The following ADCY3 variants were observed in gnomAD, a reference collection of about 807,000 sequenced individuals.
ADCY3 encodes adenylate cyclase type 3.
A neutral mutation model predicts 119.4 loss-of-function variants in ADCY3; 70 were observed. That is an observed-to-expected ratio of 0.59 (90% CI 0.48 to 0.72). The LOEUF (loss-of-function observed/expected upper bound fraction) is 0.72, where lower values mean the gene tolerates loss of function less well. Ranked by LOEUF, ADCY3 falls within the 30% of genes least tolerant of loss-of-function variation. The probability of loss-of-function intolerance (pLI) is 0.00; values close to 1 mark genes in which losing one functional copy is unlikely to be tolerated. For synonymous variants in ADCY3, 672 were observed against 621.4 expected (o/e 1.08, Z -1.21); for missense variants, 1,238 against 1,541.6 (o/e 0.80, Z 3.30).
intron 17 of ADCY3, among the ~76,000 whole-genome samples, chr2:24,824,166 C>T (rs1163730266): frequency 4.6e-5 from 7 of 152,254 alleles, no homozygotes; most frequent in Non-Finnish European, 7.3e-5. Flanking sequence ...CAGAGCTGTA[C>T]GGCCCACATC....
At chr2:24,844,660 T>C (rs1488723920) in intron 3 of ADCY3, among the ~76,000 whole-genome samples, 1 of 152,164 alleles carries the variant, frequency 6.6e-6, no homozygotes, top group Non-Finnish European at 1.5e-5. Context: ...AGGCCTCCCT[T>C]GTGAGAATCA....
chr2:24,821,611 C>T lies in ADCY3; in HGVS notation c.3033G>A (p.Gln1011=). 6.2e-7 allele frequency: 1 copy of T among 1,614,178 alleles called. No homozygotes were observed. The highest frequency in any genetic ancestry group is 1.1e-5 in the South Asian group (1 of 91,090). ...CGAAGTCGGCCAGGTCAGCCAGGTG[C>T]TGCCAGCGCTCTCTCTCGGACTTGT... ...KEDKSERERW[Q]HLADLADFAL... is the part of the protein sequence containing the mutation. The change falls in exon 20 of 22, where the codon CAG becomes CAA. Residue 1011 remains glutamine (Q), a synonymous_variant. Coordinates refer to ENST00000679454, the MANE Select transcript of ADCY3 (RefSeq NM_004036.5).
Position 24,823,250 on chromosome 2 carries a change from A to G in ADCY3, c.2842T>C (p.Cys948Arg). 6.2e-7 allele frequency: 1 copy of G among 1,613,302 alleles called. No homozygotes were observed. Among genetic ancestry groups the G allele is most frequent in the Non-Finnish European group, 8.5e-7 (1 of 1,179,902 alleles). Reference sequence around the variant, plus strand: ...ATGATTTCATTGAGGAAACGCAGACACTCAATACCACCATTGTTGATGCTC... The same window carrying G: ...ATGATTTCATTGAGGAAACGCAGACGCTCAATACCACCATTGTTGATGCTC... ...EESINNGGIE[C>R]LRFLNEIISD... Residue 948 changes from cysteine to arginine, a missense_variant, in exon 18 of 22, where the codon TGT (cysteine) becomes CGT (arginine). Transcript: ENST00000679454.
intron 2 of ADCY3, among the ~76,000 whole-genome samples, chr2:24,915,569 C>G (rs1664349033): frequency 6.6e-6 from 1 of 152,150 alleles, no homozygotes; most frequent in Non-Finnish European, 1.5e-5. Context: ...TTGATGGAGT[C>G]TCACTCTGTC....
chr2:24,826,245 T>TC (rs1454689253), intron 15 of ADCY3, 119 bp from the exon 16 acceptor site: 1 of 833,398 alleles, frequency 1.2e-6, no homozygotes, highest in African/African-American at 1.7e-5. Flanking sequence ...TCACCCCGGC[T>TC]CCTTAGGCCC....
chr2:24,835,917 C>G (rs1399044574), intron 9 of ADCY3, among the ~76,000 whole-genome samples: 1 of 142,466 alleles, frequency 7.0e-6, no homozygotes, highest in Non-Finnish European at 1.5e-5. Context: ...GCCTGGGTGA[C>G]AGCGTGACTC....
At chr2:24,823,042 C>T (rs1323152243) in intron 18 of ADCY3, among the ~76,000 whole-genome samples, 167 bp downstream of exon 18, 2 of 152,160 alleles carry the variant, frequency 1.3e-5, no homozygotes, top group Non-Finnish European at 2.9e-5. Flanking sequence ...CCTCACCTCC[C>T]CTTCCCCAGC....
At position 24,821,583 on chromosome 2, in the gene ADCY3, G is replaced by A; in HGVS notation, c.3061C>T (p.Leu1021=). ...TTGGTGAGCGTATCCTTCATGGCCA[G>A]CGCGAAGTCGGCCAGGTCAGCCAGG... ...QHLADLADFA[L]AMKDTLTNIN... is the part of the protein sequence containing the mutation. Residue 1021 remains leucine (L), a synonymous_variant, in exon 20 of 22, where the codon CTG becomes TTG. Coordinates refer to ENST00000679454, the MANE Select transcript of ADCY3 (RefSeq NM_004036.5). 1 of 1,614,152 alleles carries A rather than the reference G, an allele frequency of 6.2e-7. No homozygotes were observed. The highest frequency in any genetic ancestry group is 8.5e-7 in the Non-Finnish European group (1 of 1,180,010).
intron 13 of ADCY3, among the ~76,000 whole-genome samples, chr2:24,829,909 C>T (rs762068895): frequency 6.6e-6 from 1 of 151,564 alleles, no homozygotes; most frequent in African/African-American, 2.4e-5. Context: ...GGGCTCCCAA[C>T]TCCTGTCCCT....
chr2:24,877,316 C>T (rs2148848251), intron 2 of ADCY3, among the ~76,000 whole-genome samples: 1 of 152,338 alleles, frequency 6.6e-6, no homozygotes, highest in African/African-American at 2.4e-5. Context: ...CTCTGGTCAG[C>T]AGGCGAGCTG....
rs185467629 is a variant in ADCY3, at chr2:24,843,706, A to G, written c.826-1322T>C. The stretch of plus-strand genomic sequence containing the variant: ...AAGAGCGGCAGATATGAGGGCAAAG[A>G]CAGGGTTTGGTTCTGAGGCGCTGTG... On this transcript the variant is annotated intron_variant, in intron 3 of 21. Coordinates refer to ENST00000679454, the MANE Select transcript of ADCY3 (RefSeq NM_004036.5). Among the ~76,000 whole-genome samples the G allele has an allele frequency of 2.7e-4, 41 of 151,934 alleles. No individual in the cohort carries two copies. In the East Asian group the frequency reaches 6.2e-3, roughly 23 times the overall value.
intron 2 of ADCY3, among the ~76,000 whole-genome samples, chr2:24,884,242 G>A (rs1257821511): frequency 1.3e-5 from 2 of 152,082 alleles, no homozygotes; most frequent in Non-Finnish European, 2.9e-5. Flanking sequence ...GGAGATTCCA[G>A]GGTCCTAGCC....
At chr2:24,825,359 GT>G (rs1558404387) in intron 16 of ADCY3, among the ~76,000 whole-genome samples, 1 of 88,674 alleles carries the variant, frequency 1.1e-5, no homozygotes, top group Non-Finnish European at 2.7e-5. Flanking sequence ...TGCGGGGGGG[GT>G]GTCTCACTTT....
intron 2 of ADCY3, among the ~76,000 whole-genome samples, chr2:24,881,549 C>T (rs535146809): frequency 6.6e-6 from 1 of 152,194 alleles, no homozygotes; most frequent in South Asian, 2.1e-4. Context: ...GCTCCTGATG[C>T]GTCTGTGTGT....
Position 24,840,886 on chromosome 2 carries a change from G to C in ADCY3, c.1196+373C>G, listed in dbSNP as rs545524349. Among the ~76,000 whole-genome samples the C allele has an allele frequency of 7.9e-5, 12 of 152,342 alleles. No individual in the cohort carries two copies. In the East Asian group the frequency reaches 2.1e-3, roughly 27 times the overall value. On this transcript the variant is annotated intron_variant, in intron 6 of 21. Transcript: ENST00000679454. ...ACGAGATGGAGAGGGCAGTGCCTTC[G>C]GGGGTCACGGTGAGAAAACACTGAG...
rs762026508 is a variant in ADCY3, at chr2:24,827,616, A to G, written c.2433-8T>C. 13 of 1,579,818 alleles carry G rather than the reference A, an allele frequency of 8.2e-6. No individual in the cohort carries two copies. The Admixed American group carries it at 2.1e-4, about 26-fold the overall frequency. On this transcript the variant is annotated splice_region_variant and splice_polypyrimidine_tract_variant and intron_variant, in intron 14 of 21. Transcript: ENST00000679454. Reference sequence around the variant, plus strand: ...AAGGCCACCATAGGTAAGCTGTTGGACAGATAACAGCACAGTCAGGCCCCA... The same window carrying G: ...AAGGCCACCATAGGTAAGCTGTTGGGCAGATAACAGCACAGTCAGGCCCCA...
chr2:24,823,779 C>G (rs576223642), intron 17 of ADCY3, among the ~76,000 whole-genome samples: 1 of 151,630 alleles, frequency 6.6e-6, no homozygotes, highest in Admixed American at 6.6e-5. Flanking sequence ...GCAACCTCCA[C>G]CTCCCGGGTT....
intron 2 of ADCY3, among the ~76,000 whole-genome samples, chr2:24,877,039 C>T (rs759206256): frequency 6.6e-6 from 1 of 152,196 alleles, no homozygotes; most frequent in Non-Finnish European, 1.5e-5. Flanking sequence ...GGCTCCTGTC[C>T]ACCTGGGAGC....
intron 13 of ADCY3, 148 bp downstream of exon 13, chr2:24,830,560 TG>T (rs1669346718): frequency 1.6e-6 from 1 of 614,306 alleles, no homozygotes; most frequent in Non-Finnish European, 2.9e-6. Flanking sequence ...TTCCACTAGG[TG>T]GGGATGATGT....
Sources: allele counts gnomAD v4.1 joint callset (sites outside exome capture counted in the v4.1 genomes callset), GRCh38; gene constraint gnomAD v4.1.1; transcripts MANE v1.5; gene names NCBI Gene and HGNC (gene_info 2026-07-23, HGNC 2026-07-21).